OPA1: variants seen among roughly 807,000 people sequenced by gnomAD.
OPA1 encodes dynamin-like GTPase OPA1, mitochondrial.
OPA1 carries 59 observed loss-of-function variants against 152.9 expected under a neutral mutation model. That is an observed-to-expected ratio of 0.39 (90% CI 0.31 to 0.48). The LOEUF (loss-of-function observed/expected upper bound fraction) is 0.48, where lower values mean the gene tolerates loss of function less well. OPA1 is among the 20% of genes least tolerant of loss of function. OPA1 has a pLI of 0.96. For missense variants in OPA1, 1,008 were observed against 1,216.8 expected (o/e 0.83, Z 2.55); for synonymous variants, 400 against 389.9 (o/e 1.03, Z -0.31).
intron 6 of OPA1, among the ~76,000 whole-genome samples, chr3:193,625,525 TAAAG>T (rs979455948): frequency 1.3e-5 from 2 of 152,068 alleles, no homozygotes; most frequent in Admixed American, 6.6e-5. Context: ...TTAATTTAAA[TAAAG>T]AACCCCAAAT....
At chr3:193,616,664 G>A (rs1233217683) in intron 3 of OPA1, among the ~76,000 whole-genome samples, 1 of 152,152 alleles carries the variant, frequency 6.6e-6, no homozygotes, top group East Asian at 1.9e-4. Flanking sequence ...TTTTCAATAG[G>A]TGGATGAGAA....
chr3:193,661,305 A>AG (rs1715213700), intron 25 of OPA1, among the ~76,000 whole-genome samples: 2 of 152,206 alleles, frequency 1.3e-5, no homozygotes. Flanking sequence ...TTTGGAATAT[A>AG]GAAGGGAGGG....
At chr3:193,661,278 T>C (rs1327041459) in intron 25 of OPA1, among the ~76,000 whole-genome samples, 2 of 152,176 alleles carry the variant, frequency 1.3e-5, no homozygotes, top group Non-Finnish European at 2.9e-5. Flanking sequence ...AGGCTGACTG[T>C]AGAACAGAGG....
intron 26 of OPA1, among the ~76,000 whole-genome samples, chr3:193,663,332 T>C (rs1362950940): frequency 2.0e-5 from 3 of 152,152 alleles, no homozygotes; most frequent in African/African-American, 7.2e-5. Flanking sequence ...TTTTTGTGTG[T>C]GGTTTACAGT....
rs186866235 is a variant in OPA1, at chr3:193,641,515, C to T, written c.1150-1250C>T. Among the ~76,000 whole-genome samples, 15 of 152,192 alleles carry T rather than the reference C, an allele frequency of 9.9e-5. No homozygotes were observed. The East Asian group carries it at 2.9e-3, about 29-fold the overall frequency. On this transcript the variant is annotated intron_variant, in intron 11 of 30. Transcript: ENST00000361510. ...TTCATTTTTCTTTGGGATTGTGGCA[C>T]CTTAAGACGTGACTACTTAATAACT...
chr3:193,664,853 T>C (rs1716158276), intron 26 of OPA1, 27 bp from the exon 27 acceptor site: 1 of 1,208,918 alleles, frequency 8.3e-7, no homozygotes, highest in Non-Finnish European at 1.2e-6. Flanking sequence ...ATACAGTAAC[T>C]CTGGGCTTTC....
intron 1 of OPA1, chr3:193,603,515 C>G (rs1726770928): frequency 6.6e-6 from 1 of 152,194 alleles, no homozygotes; most frequent in African/African-American, 2.4e-5. Flanking sequence ...CAGAAAGGAG[C>G]TCATCTGTTT....
chr3:193,680,625 A>G (rs2109391514), intron 29 of OPA1, among the ~76,000 whole-genome samples: 1 of 152,328 alleles, frequency 6.6e-6, no homozygotes, highest in African/African-American at 2.4e-5. Context: ...TTTTCTTAGA[A>G]CATTTCTGCT....
In OPA1 at chr3:193,612,290, T is replaced by A. The variant is rs73888644; in HGVS notation, c.33-2433T>A. Reference sequence around the variant, plus strand: ...TTCCTTTTTTTTTTTTTTTTTTTTTTAAATCATCTTCAGGGTGAAAGTGTA... The same window carrying A: ...TTCCTTTTTTTTTTTTTTTTTTTTTAAAATCATCTTCAGGGTGAAAGTGTA... On this transcript the variant is annotated intron_variant, in intron 1 of 30. Transcript: ENST00000361510. Among the ~76,000 whole-genome samples the A allele has an allele frequency of 2.8e-3, 419 of 148,444 alleles. 2 individuals are homozygous for A. The highest frequency in any genetic ancestry group is 0.016 in the East Asian group (82 of 5,128).
At chr3:193,681,903 C>T (rs1281687113) in intron 29 of OPA1, among the ~76,000 whole-genome samples, 1 of 152,102 alleles carries the variant, frequency 6.6e-6, no homozygotes, top group Non-Finnish European at 1.5e-5. Context: ...CCATAGGACA[C>T]AACAATATTG....
chr3:193,676,898 G>A (rs1206203246), intron 29 of OPA1, among the ~76,000 whole-genome samples: 6 of 150,488 alleles, frequency 4.0e-5, no homozygotes, highest in East Asian at 2.0e-4. Flanking sequence ...GGAGAATGGC[G>A]TGAACCTGGG....
chr3:193,669,550 A>G (rs1420547764), intron 29 of OPA1, among the ~76,000 whole-genome samples: 3 of 152,208 alleles, frequency 2.0e-5, no homozygotes, highest in African/African-American at 7.2e-5. Flanking sequence ...TGTTAGAATT[A>G]CTTCCGCAAA....
Position 193,692,102 on chromosome 3 carries a change from T to A in OPA1, c.3023T>A (p.Ile1008Asn). Residue 1008 changes from isoleucine to asparagine, a missense_variant, in exon 30 of 31, where the codon ATT becomes AAT. Coordinates refer to ENST00000361510, the MANE Select transcript of OPA1 (RefSeq NM_130837.3). ...REIQEKLDAFIEALHQEK is the reference protein window; with the variant it reads ...REIQEKLDAFNEALHQEK ...ATTCAAGAAAAACTTGATGCTTTCA[T>A]TGAAGCTCTTCATCAGGAGAAATAA... 6.4e-7 allele frequency: 1 copy of A among 1,551,690 alleles called. No individual in the cohort carries two copies. The highest frequency in any genetic ancestry group is 8.8e-7 in the Non-Finnish European group (1 of 1,133,834).
chr3:193,647,291 C>T (rs996329121), intron 19 of OPA1, 111 bp downstream of exon 19: 2 of 722,918 alleles, frequency 2.8e-6, no homozygotes, highest in African/African-American at 3.5e-5. Flanking sequence ...CTTGGTAGTT[C>T]ATTTACAATT....
intron 1 of OPA1, among the ~76,000 whole-genome samples, chr3:193,606,377 A>G (rs906923887): frequency 1.2e-4 from 18 of 151,558 alleles, no homozygotes; most frequent in Admixed American, 1.3e-4. Context: ...TTAACTCATC[A>G]TTTACATTAG....
At chr3:193,670,916 G>C (rs1382838603) in intron 29 of OPA1, among the ~76,000 whole-genome samples, 1 of 152,146 alleles carries the variant, frequency 6.6e-6, no homozygotes, top group African/African-American at 2.4e-5. Flanking sequence ...GAAAGGAAGG[G>C]AGTGCTTGAA....
intron 21 of OPA1, among the ~76,000 whole-genome samples, chr3:193,653,354 C>G (rs1469213303): frequency 6.6e-6 from 1 of 152,156 alleles, no homozygotes; most frequent in Non-Finnish European, 1.5e-5. Flanking sequence ...GAGATGTTGA[C>G]TCTCCTCACC....
At chr3:193,665,184 C>T (rs980597361) in intron 27 of OPA1, among the ~76,000 whole-genome samples, 188 bp downstream of exon 27, 2 of 151,600 alleles carry the variant, frequency 1.3e-5, no homozygotes, top group South Asian at 2.1e-4. Context: ...GTTCGTGATA[C>T]GTGCATATTA....
intron 1 of OPA1, among the ~76,000 whole-genome samples, chr3:193,594,410 C>T (rs1402318697): frequency 6.6e-6 from 1 of 152,180 alleles, no homozygotes; most frequent in Non-Finnish European, 1.5e-5. Flanking sequence ...TGTTTTGAGA[C>T]GGAGTCTTGC....
Sources: gnomAD v4.1 joint callset for allele counts (sites outside exome capture counted in the v4.1 genomes callset) on GRCh38, gnomAD v4.1.1 for gene constraint, MANE v1.5 for transcripts, NCBI Gene and HGNC (gene_info 2026-07-23, HGNC 2026-07-21) for gene names.